DACH1: variants seen among roughly 807,000 people sequenced by gnomAD.
DACH1 encodes the protein dachshund family transcription factor 1.
A neutral mutation model predicts 54.2 loss-of-function variants in DACH1; 12 were observed. That is an observed-to-expected ratio of 0.22 (90% CI 0.14 to 0.36). The LOEUF is 0.36. Ranked by LOEUF, DACH1 falls within the 10% of genes least tolerant of loss-of-function variation. The pLI, the probability that DACH1 is intolerant of heterozygous loss-of-function variation, is 1.00. For missense variants in DACH1, 805 were observed against 929.8 expected, an observed-to-expected ratio of 0.87 and a Z score of 1.75; for synonymous variants, 386 against 366.2, an observed-to-expected ratio of 1.05 and a Z score of -0.62.
At chr13:71,718,094 A>G (rs752891548) in intron 1 of DACH1, among the ~76,000 whole-genome samples, 7 of 152,086 alleles carry the variant, frequency 4.6e-5, no homozygotes, top group Non-Finnish European at 8.8e-5. Context: ...AGGATTCGAA[A>G]GTCCAGAACA....
intron 6 of DACH1, among the ~76,000 whole-genome samples, chr13:71,550,260 C>T (rs1311603798): frequency 6.6e-6 from 1 of 152,088 alleles, no homozygotes; most frequent in East Asian, 1.9e-4. Context: ...GCATCAAGCA[C>T]TCCAGACATA....
intron 7 of DACH1, among the ~76,000 whole-genome samples, chr13:71,480,619 C>G (rs897713105): frequency 6.6e-6 from 1 of 152,148 alleles, no homozygotes; most frequent in Non-Finnish European, 1.5e-5. Context: ...CTGTGAGTGT[C>G]AGAGACTGAA....
chr13:71,794,234 C>G (rs1886949747), intron 1 of DACH1, among the ~76,000 whole-genome samples: 1 of 152,110 alleles, frequency 6.6e-6, no homozygotes, highest in Non-Finnish European at 1.5e-5. Flanking sequence ...AAGTCAGATT[C>G]CTGTAAACCT....
At chr13:71,460,456 G>T (rs1593727869) in intron 10 of DACH1, among the ~76,000 whole-genome samples, 1 of 152,112 alleles carries the variant, frequency 6.6e-6, no homozygotes, top group East Asian at 1.9e-4. Flanking sequence ...ATCAAAATGA[G>T]ATTTGTTCTA....
chr13:71,611,768 T>C (rs938793331), intron 3 of DACH1, among the ~76,000 whole-genome samples: 2 of 152,144 alleles, frequency 1.3e-5, no homozygotes, highest in Non-Finnish European at 1.5e-5. Context: ...ATATGGACAA[T>C]GGTATGAATT....
At chr13:71,662,927 C>A (rs1879604616) in intron 2 of DACH1, among the ~76,000 whole-genome samples, 3 of 151,924 alleles carry the variant, frequency 2.0e-5, no homozygotes, top group Admixed American at 2.0e-4. Context: ...TTATAGATTA[C>A]TGAGTGGCAA....
intron 3 of DACH1, chr13:71,573,373 T>C (rs769628258): frequency 1.4e-4 from 99 of 710,690 alleles, no homozygotes; most frequent in Middle Eastern, 9.3e-4. Context: ...ATAAATACAA[T>C]TTAAAAAAAA....
At chr13:71,492,891 A>C (rs1485657182) in intron 6 of DACH1, among the ~76,000 whole-genome samples, 1 of 152,116 alleles carries the variant, frequency 6.6e-6, no homozygotes, top group East Asian at 1.9e-4. Context: ...ACAGTCCAAA[A>C]TCAGCAAGAA....
chr13:71,747,159 A>C (rs1884634007), intron 1 of DACH1, among the ~76,000 whole-genome samples: 1 of 152,184 alleles, frequency 6.6e-6, no homozygotes, highest in Non-Finnish European at 1.5e-5. Flanking sequence ...TATAGGAAAA[A>C]TTACCTACAA....
intron 1 of DACH1, among the ~76,000 whole-genome samples, chr13:71,789,764 A>C (rs1227216254): frequency 1.3e-5 from 2 of 152,138 alleles, no homozygotes; most frequent in Non-Finnish European, 2.9e-5. Flanking sequence ...GGCATATTGC[A>C]ACTGAATTAG....
At chr13:71,744,596 A>C (rs1351538096) in intron 1 of DACH1, among the ~76,000 whole-genome samples, 1 of 152,198 alleles carries the variant, frequency 6.6e-6, no homozygotes, top group Non-Finnish European at 1.5e-5. Context: ...AAACTCTTAC[A>C]ATTAGTGTAG....
chr13:71,761,535 T>G (rs1885401961), intron 1 of DACH1, among the ~76,000 whole-genome samples: 1 of 152,206 alleles, frequency 6.6e-6, no homozygotes, highest in Non-Finnish European at 1.5e-5. Flanking sequence ...ATTTTTCCCT[T>G]TCTTATGGGA....
At chr13:71,620,155 A>C (rs1020752591) in intron 3 of DACH1, among the ~76,000 whole-genome samples, 1 of 151,996 alleles carries the variant, frequency 6.6e-6, no homozygotes, top group South Asian at 2.1e-4. Context: ...TGTTTTAATA[A>C]GGCCATTTCC....
chr13:71,700,584 A>AG (rs1342142402), intron 1 of DACH1, among the ~76,000 whole-genome samples: 2 of 109,714 alleles, frequency 1.8e-5, no homozygotes, highest in African/African-American at 3.7e-5. Context: ...AAAAAAAAAA[A>AG]AGAGAGAGAG....
intron 3 of DACH1, among the ~76,000 whole-genome samples, chr13:71,629,006 T>C (rs925942261): frequency 1.3e-5 from 2 of 152,092 alleles, no homozygotes; most frequent in African/African-American, 4.8e-5. Flanking sequence ...ATCCAGATTG[T>C]TTTGTAATAA....
At chr13:71,633,080 A>G (rs1266030832) in intron 2 of DACH1, among the ~76,000 whole-genome samples, 1 of 152,050 alleles carries the variant, frequency 6.6e-6, no homozygotes, top group Non-Finnish European at 1.5e-5. Context: ...TTTGTCTTGG[A>G]TTTGTGCTGC....
chr13:71,496,306 T>TACAC lies in DACH1; in HGVS notation c.1571-7162_1571-7159dup, dbSNP rs1555287656. Among the ~76,000 whole-genome samples, 147 of 46,072 alleles carry TACAC rather than the reference T, an allele frequency of 3.2e-3. 2 individuals are homozygous for TACAC. Among genetic ancestry groups the TACAC allele is most frequent in the South Asian group, 0.018 (15 of 828 alleles). 30.2% of individuals were successfully genotyped at this position (46,072 alleles called of 152,430 possible). A position where few individuals can be genotyped will look rare whatever the true frequency, so the allele number is the denominator to read the frequency against. On this transcript the variant is annotated intron_variant, in intron 6 of 10. Coordinates refer to ENST00000613252, the MANE Select transcript of DACH1 (RefSeq NM_080759.6). ...ATATATATATATATATATATATATA[T>TACAC]ACACACACAAAAAGATATGCAACAT...
chr13:71,712,765 C>T (rs1392358158), intron 1 of DACH1, among the ~76,000 whole-genome samples: 1 of 151,968 alleles, frequency 6.6e-6, no homozygotes, highest in African/African-American at 2.4e-5. Context: ...CCTATTTAGT[C>T]AGCGTTAAAT....
chr13:71,595,606 A>T (rs896795718), intron 3 of DACH1, among the ~76,000 whole-genome samples: 1 of 152,140 alleles, frequency 6.6e-6, no homozygotes, highest in East Asian at 1.9e-4. Flanking sequence ...GTTTGTTCAG[A>T]CTGCTATAAA....
Sources: allele counts gnomAD v4.1 joint callset (sites outside exome capture counted in the v4.1 genomes callset), GRCh38; gene constraint gnomAD v4.1.1; transcripts MANE v1.5; gene names NCBI Gene and HGNC (gene_info 2026-07-23, HGNC 2026-07-21).